PRICKLE2: variants seen among roughly 807,000 people sequenced by gnomAD.
PRICKLE2 encodes prickle planar cell polarity protein 2, also known as prickle-like protein 2.
In PRICKLE2, 21 loss-of-function variants were observed where a neutral mutation model predicts 81.4. The ratio of observed to expected loss-of-function variants is 0.26; its 90% CI spans 0.18 to 0.37. The LOEUF (loss-of-function observed/expected upper bound fraction) is 0.37, where lower values mean the gene tolerates loss of function less well. PRICKLE2 is among the 10% of genes least tolerant of loss of function. The probability of loss-of-function intolerance (pLI) is 1.00; values close to 1 mark genes in which losing one functional copy is unlikely to be tolerated. For missense variants in PRICKLE2, 940 were observed against 1,109.0 expected (o/e 0.85, Z 2.16); for synonymous variants, 456 against 421.5 (o/e 1.08, Z -1.00).
intron 1 of PRICKLE2, among the ~76,000 whole-genome samples, chr3:64,210,386 A>G (rs2078765742): frequency 6.6e-6 from 1 of 152,116 alleles, no homozygotes; most frequent in Admixed American, 6.5e-5. Flanking sequence ...CAAGATTTCT[A>G]TCTCTGTGAG....
At chr3:64,247,758 AT>A (rs1200562902) in intron 2 of PRICKLE2, among the ~76,000 whole-genome samples, 1 of 152,238 alleles carries the variant, frequency 6.6e-6, no homozygotes, top group African/African-American at 2.4e-5. Context: ...ATGCACTGAG[AT>A]TCAAAGACTT....
At chr3:64,159,789 C>T in intron 4 of PRICKLE2, 151 bp downstream of exon 4, 1 of 962,190 alleles carries the variant, frequency 1.0e-6, no homozygotes, top group Non-Finnish European at 1.7e-6. Flanking sequence ...GAATCCAACT[C>T]CTTAGAAGGG....
chr3:64,166,774 G>A (rs1248381467), intron 2 of PRICKLE2, among the ~76,000 whole-genome samples: 1 of 152,192 alleles, frequency 6.6e-6, no homozygotes, highest in Admixed American at 6.5e-5. Context: ...TAGGTGATGT[G>A]GCTTGCTCTG....
At chr3:64,171,119 G>A (rs367728349) in intron 2 of PRICKLE2, among the ~76,000 whole-genome samples, 19 of 151,992 alleles carry the variant, frequency 1.3e-4, no homozygotes, top group South Asian at 4.2e-4. Context: ...CCATTCCCTC[G>A]GCCTGAAAGG....
intron 2 of PRICKLE2, among the ~76,000 whole-genome samples, chr3:64,263,571 G>A (rs1228149354): frequency 6.6e-6 from 1 of 152,178 alleles, no homozygotes; most frequent in East Asian, 1.9e-4. Flanking sequence ...GAGAATGCAG[G>A]AAGGGCTGCA....
chr3:64,213,387 C>T (rs1559583263), intron 1 of PRICKLE2, among the ~76,000 whole-genome samples: 1 of 152,164 alleles, frequency 6.6e-6, no homozygotes, highest in Admixed American at 6.5e-5. Context: ...CCATGACTTT[C>T]TTTTCATACC....
intron 1 of PRICKLE2, among the ~76,000 whole-genome samples, chr3:64,220,589 C>G (rs548158949): frequency 6.6e-5 from 10 of 152,142 alleles, no homozygotes; most frequent in African/African-American, 1.9e-4. Context: ...AACACTAGCA[C>G]CAGGAAGAAG....
chr3:64,108,356 C>T (rs971750134), intron 7 of PRICKLE2, among the ~76,000 whole-genome samples: 2 of 152,156 alleles, frequency 1.3e-5, no homozygotes, highest in Non-Finnish European at 2.9e-5. Flanking sequence ...GATCAGGTCC[C>T]TTGGGATCCT....
chr3:64,174,069 C>CT (rs1019865000), intron 2 of PRICKLE2, among the ~76,000 whole-genome samples: 12 of 152,194 alleles, frequency 7.9e-5, no homozygotes, highest in African/African-American at 2.2e-4. Context: ...AATAAAACTC[C>CT]TTTTTTATGC....
chr3:64,110,734 C>T (rs897869649), intron 7 of PRICKLE2, among the ~76,000 whole-genome samples: 8 of 151,908 alleles, frequency 5.3e-5, no homozygotes, highest in Non-Finnish European at 1.0e-4. Context: ...TAAGATGTAG[C>T]AGAGGGGCAA....
intron 2 of PRICKLE2, among the ~76,000 whole-genome samples, chr3:64,244,912 C>A (rs907568915): frequency 6.6e-6 from 1 of 152,044 alleles, no homozygotes; most frequent in Non-Finnish European, 1.5e-5. Context: ...CATGAATATA[C>A]CCCGAATATT....
At chr3:64,110,959 C>CAAAAAAA (rs550808708) in intron 7 of PRICKLE2, among the ~76,000 whole-genome samples, 5 of 63,866 alleles carry the variant, frequency 7.8e-5, no homozygotes, top group African/African-American at 1.5e-4. Flanking sequence ...GACTCCATCT[C>CAAAAAAA]AAAAAAAAAA....
chr3:64,113,594 G>C (rs1407906188), intron 7 of PRICKLE2, among the ~76,000 whole-genome samples: 2 of 152,122 alleles, frequency 1.3e-5, no homozygotes, highest in African/African-American at 2.4e-5. Context: ...GCACATGTCT[G>C]CACAGATAGG....
chr3:64,104,247 T>C (rs2076718089), intron 7 of PRICKLE2, among the ~76,000 whole-genome samples: 1 of 152,154 alleles, frequency 6.6e-6, no homozygotes, highest in South Asian at 2.1e-4. Context: ...CTCCCCAATA[T>C]GAAAGCAGAG....
chr3:64,175,821 T>C (rs2078013064), intron 2 of PRICKLE2, among the ~76,000 whole-genome samples: 1 of 152,220 alleles, frequency 6.6e-6, no homozygotes, highest in African/African-American at 2.4e-5. Flanking sequence ...TATAAGGCTG[T>C]ACATAATTGT....
chr3:64,199,834 T>G (rs185438332), intron 1 of PRICKLE2: 2 of 152,254 alleles, frequency 1.3e-5, no homozygotes, highest in African/African-American at 4.8e-5. Flanking sequence ...AAAAAAAGAA[T>G]AGAGGAGGAA....
intron 7 of PRICKLE2, among the ~76,000 whole-genome samples, chr3:64,134,366 C>T (rs2106991725): frequency 6.6e-6 from 1 of 152,304 alleles, no homozygotes. Flanking sequence ...ACATCATACT[C>T]CCCTCAGATG....
intron 6 of PRICKLE2, among the ~76,000 whole-genome samples, chr3:64,148,258 C>T (rs1254215928): frequency 1.3e-5 from 2 of 152,190 alleles, no homozygotes; most frequent in East Asian, 3.9e-4. Context: ...AAAGCCAACT[C>T]CTCTGAGAAG....
chr3:64,173,378 C>CA (rs1356378263), intron 2 of PRICKLE2, among the ~76,000 whole-genome samples: 1 of 151,750 alleles, frequency 6.6e-6, no homozygotes, highest in Non-Finnish European at 1.5e-5. Context: ...ATATAATAGG[C>CA]AAAACAGTCT....
Sources: gnomAD v4.1 joint callset for allele counts (sites outside exome capture counted in the v4.1 genomes callset) on GRCh38, gnomAD v4.1.1 for gene constraint, MANE v1.5 for transcripts, NCBI Gene and HGNC (gene_info 2026-07-23, HGNC 2026-07-21) for gene names.